The following TACC2 variants were observed in gnomAD, a reference collection of about 807,000 sequenced individuals.
TACC2 encodes the protein transforming acidic coiled-coil containing protein 2.
In TACC2, 137 loss-of-function variants were observed where a neutral mutation model predicts 227.3. The ratio of observed to expected loss-of-function variants is 0.60; its 90% CI spans 0.52 to 0.69. TACC2 has a LOEUF of 0.69. Among genes scored for constraint, TACC2 ranks in the 30% least tolerant of loss-of-function variants. TACC2 has a pLI of 0.00. For missense variants in TACC2, 3,470 were observed against 3,694.4 expected (o/e 0.94, Z 1.57); for synonymous variants, 1,523 against 1,487.5 (o/e 1.02, Z -0.55).
Position 122,195,271 on chromosome 10 carries a change from A to T in TACC2, c.5971+95A>T. 5 of 1,143,424 alleles carry T rather than the reference A, an allele frequency of 4.4e-6. No homozygotes were observed. The South Asian group carries it at 8.2e-5, about 19-fold the overall frequency. The allele number at this position is 1,143,424 out of a possible 1,614,324, so 70.8% of individuals were successfully genotyped here. A position where few individuals can be genotyped will look rare whatever the true frequency, so the allele number is the denominator to read the frequency against. On this transcript the variant is annotated intron_variant, in intron 8 of 22. Coordinates refer to ENST00000369005, the MANE Select transcript of TACC2 (RefSeq NM_206862.4). ...TTCCTCCTGGGTCAGGCTGGAGGCGAGCACTGACTCGACCTCTTGGCTTTG... is the reference window on the plus strand; with the variant it reads ...TTCCTCCTGGGTCAGGCTGGAGGCGTGCACTGACTCGACCTCTTGGCTTTG...
At chr10:122,144,062 T>C (rs1210115769) in intron 7 of TACC2, among the ~76,000 whole-genome samples, 2 of 152,142 alleles carry the variant, frequency 1.3e-5, no homozygotes, top group African/African-American at 4.8e-5. Context: ...CTCATGTGAT[T>C]GTGGGGGCTA....
At chr10:122,168,199 C>T (rs935321084) in intron 7 of TACC2, among the ~76,000 whole-genome samples, 1 of 152,112 alleles carries the variant, frequency 6.6e-6, no homozygotes, top group Non-Finnish European at 1.5e-5. Context: ...GCCAGCGCAC[C>T]CAGCCATAGA....
intron 7 of TACC2, among the ~76,000 whole-genome samples, chr10:122,162,802 TAGAATCAC>T (rs1189902703): frequency 6.6e-6 from 1 of 152,058 alleles, no homozygotes; most frequent in African/African-American, 2.4e-5. Context: ...AGCCCGTGTT[TAGAATCAC>T]AGAGCTGAGC....
intron 16 of TACC2, among the ~76,000 whole-genome samples, chr10:122,232,128 G>T (rs1032611530): frequency 2.0e-5 from 3 of 152,250 alleles, no homozygotes; most frequent in African/African-American, 7.2e-5. Flanking sequence ...CCTCGTTCTT[G>T]TTGCCAAACC....
chr10:122,180,776 C>T lies in TACC2; in HGVS notation c.5835-14264C>T, dbSNP rs1159729776. On this transcript the variant is annotated intron_variant, in intron 7 of 22. Coordinates refer to ENST00000369005, the MANE Select transcript of TACC2 (RefSeq NM_206862.4). The surrounding 1 kb of genome is among the most constrained non-coding windows in gnomAD (Gnocchi z 4.5). ...TTTGAGACGGAGTCTCGCTCTGTTG[C>T]CGAGGCTGGATGGAGTGCAATGGCG... is the stretch of plus-strand genomic sequence containing the variant. 6.6e-6 allele frequency among the ~76,000 whole-genome samples: 1 copy of T among 152,078 alleles called. No individual in the cohort carries two copies. Among genetic ancestry groups the T allele is most frequent in the Non-Finnish European group, 1.5e-5 (1 of 68,024 alleles).
At chr10:122,149,369 G>A (rs1156750837) in intron 7 of TACC2, among the ~76,000 whole-genome samples, 1 of 152,238 alleles carries the variant, frequency 6.6e-6, no homozygotes, top group African/African-American at 2.4e-5. Flanking sequence ...CAGGGAGGAG[G>A]AAGCCGGATC....
intron 7 of TACC2, among the ~76,000 whole-genome samples, chr10:122,174,718 A>C (rs1436303997): frequency 6.6e-6 from 1 of 152,162 alleles, no homozygotes; most frequent in Non-Finnish European, 1.5e-5. Flanking sequence ...CTCTGTTACC[A>C]ATTTTCAAGT....
chr10:122,061,015 AAAAAG>A (rs779890275), intron 3 of TACC2, among the ~76,000 whole-genome samples: 16 of 139,978 alleles, frequency 1.1e-4, no homozygotes, highest in Admixed American at 1.4e-4. Context: ...AAAAAAAAAA[AAAAAG>A]GGGGGGGGGC....
chr10:122,242,948 T>TTTG (rs201187067), intron 19 of TACC2, among the ~76,000 whole-genome samples: 1 of 152,026 alleles, frequency 6.6e-6, no homozygotes, highest in African/African-American at 2.4e-5. Flanking sequence ...GATAACCAGT[T>TTTG]TTGTTGTTGT....
In TACC2 at chr10:122,100,085, C is replaced by T. The variant is rs770216292; in HGVS notation, c.5573+11494C>T. Among the ~76,000 whole-genome samples the T allele has an allele frequency of 4.6e-5, 7 of 151,908 alleles. No individual in the cohort carries two copies. The East Asian group carries it at 5.9e-4, about 13-fold the overall frequency. ...TTTGAGACCAGCCTGGCCAACAAGG[C>T]GAAACTCCGTCTCTACTAAAAATAC... On this transcript the variant is annotated intron_variant, in intron 5 of 22. Coordinates refer to ENST00000369005, the MANE Select transcript of TACC2 (RefSeq NM_206862.4).
chr10:122,179,977 A>G (rs1214263346), intron 7 of TACC2, among the ~76,000 whole-genome samples: 1 of 151,886 alleles, frequency 6.6e-6, no homozygotes, highest in African/African-American at 2.4e-5. Context: ...CCAGTTACTC[A>G]GGAGGCTGAG....
chr10:122,186,773 A>G (rs1163299079), intron 7 of TACC2, among the ~76,000 whole-genome samples: 1 of 152,196 alleles, frequency 6.6e-6, no homozygotes, highest in East Asian at 1.9e-4. Flanking sequence ...GTGGCCTCCC[A>G]AAGTCCTGGG....
chr10:122,149,769 T>C (rs1274459957), intron 7 of TACC2, among the ~76,000 whole-genome samples: 1 of 152,210 alleles, frequency 6.6e-6, no homozygotes, highest in Non-Finnish European at 1.5e-5. Flanking sequence ...GCTGGGTTGT[T>C]GGGCTGAGGG....
At chr10:122,234,803 A>G (rs2095826334) in intron 16 of TACC2, among the ~76,000 whole-genome samples, 1 of 152,138 alleles carries the variant, frequency 6.6e-6, no homozygotes, top group African/African-American at 2.4e-5. Context: ...CATTAGTCAT[A>G]TTTAGTTTCT....
At chr10:121,993,100 C>T (rs1953102740) in intron 1 of TACC2, among the ~76,000 whole-genome samples, 1 of 152,080 alleles carries the variant, frequency 6.6e-6, no homozygotes, top group Non-Finnish European at 1.5e-5. Context: ...CGGAAGGATC[C>T]CTTGAGCCAA....
In TACC2 at chr10:122,249,683, G is replaced by A; in HGVS notation, c.8781+19G>A. Reference sequence around the variant, plus strand: ...GCAGAAGGTAATAGGGGAGGGGTGTGGCCTCCAGGTGGGCCGGGCTGCTGC... The same window carrying A: ...GCAGAAGGTAATAGGGGAGGGGTGTAGCCTCCAGGTGGGCCGGGCTGCTGC... On this transcript the variant is annotated intron_variant, in intron 22 of 22. Coordinates refer to ENST00000369005, the MANE Select transcript of TACC2 (RefSeq NM_206862.4). 6.2e-7 allele frequency: 1 copy of A among 1,604,572 alleles called. No individual in the cohort carries two copies. The highest frequency in any genetic ancestry group is 8.5e-7 in the Non-Finnish European group (1 of 1,173,768).
chr10:122,132,802 C>T, intron 6 of TACC2, 68 bp downstream of exon 6: 1 of 1,535,968 alleles, frequency 6.5e-7, no homozygotes, highest in East Asian at 2.3e-5. Flanking sequence ...CCTTCCCCCG[C>T]TCCCCTCCCT....
At chr10:122,033,238 G>A (rs1959182276) in intron 2 of TACC2, 1 of 926,574 alleles carries the variant, frequency 1.1e-6, no homozygotes, top group Non-Finnish European at 1.5e-6. Flanking sequence ...GGTGTGTCAT[G>A]TGCATTTATA....
intron 2 of TACC2, among the ~76,000 whole-genome samples, chr10:122,037,744 C>T (rs114630517): frequency 0.017 from 2,524 of 152,288 alleles, 60 homozygotes; most frequent in African/African-American, 0.054. Flanking sequence ...ATTCTTTGCA[C>T]CTCAACAGTC....
Sources: gnomAD v4.1 joint callset for allele counts (sites outside exome capture counted in the v4.1 genomes callset) on GRCh38, gnomAD v4.1.1 for gene constraint, Gnocchi (gnomAD v3.1) non-coding constraint, MANE v1.5 for transcripts, NCBI Gene and HGNC (gene_info 2026-07-23, HGNC 2026-07-21) for gene names.